The following NSUN6 variants were observed in gnomAD, a reference collection of about 807,000 sequenced individuals.
NSUN6 encodes the protein NOP2/Sun RNA methyltransferase 6.
NSUN6 carries 64 observed loss-of-function variants against 58.0 expected under a neutral mutation model. The ratio of observed to expected loss-of-function variants is 1.10; its 90% CI spans 0.90 to 1.36. The LOEUF (loss-of-function observed/expected upper bound fraction) is 1.36. NSUN6 is among the 40% of genes most tolerant of loss of function. The probability of loss-of-function intolerance (pLI) is 0.00; values close to 1 mark genes in which losing one functional copy is unlikely to be tolerated. For missense variants in NSUN6, 701 were observed against 550.1 expected (o/e 1.27, Z -2.74); for synonymous variants, 231 against 193.9 (o/e 1.19, Z -1.59).
chr10:18,570,999 A>C (rs1200190003), intron 8 of NSUN6, among the ~76,000 whole-genome samples: 2 of 140,458 alleles, frequency 1.4e-5, no homozygotes, highest in African/African-American at 5.4e-5. Context: ...CATTCTATTC[A>C]CCACTGCATT....
chr10:18,596,246 C>T lies in NSUN6; in HGVS notation c.739G>A (p.Gly247Arg), dbSNP rs749548175. The T allele has an allele frequency of 4.3e-6, 7 of 1,611,264 alleles. No homozygotes were observed. The South Asian group carries it at 6.6e-5, about 15-fold the overall frequency. ...KILDLCAAPG[G>R]KTTHIAALMH... ...AGTGCTGCAATGTGTGTTGTTTTCC[C>T]TCCAGGTGCTGCACACAAGTCTAGA... Residue 247 changes from glycine (G) to arginine (R), a missense_variant, in exon 7 of 11, where the codon GGG becomes AGG. Gly to Arg is a moderately radical substitution (Grantham distance 125). Coordinates refer to ENST00000377304, the MANE Select transcript of NSUN6 (RefSeq NM_182543.5).
intron 8 of NSUN6, among the ~76,000 whole-genome samples, chr10:18,555,528 A>G (rs575197014): frequency 1.3e-5 from 2 of 150,306 alleles, no homozygotes; most frequent in African/African-American, 4.9e-5. Flanking sequence ...GGAAGGGAGC[A>G]TGGAATGAAG....
chr10:18,550,023 C>T (rs1175867140), intron 9 of NSUN6, among the ~76,000 whole-genome samples: 1 of 152,186 alleles, frequency 6.6e-6, no homozygotes, highest in Non-Finnish European at 1.5e-5. Flanking sequence ...TGGCTCAAGT[C>T]AACAAGGCTC....
intron 8 of NSUN6, among the ~76,000 whole-genome samples, chr10:18,579,009 C>T (rs1192533299): frequency 6.6e-6 from 1 of 152,168 alleles, no homozygotes; most frequent in Non-Finnish European, 1.5e-5. Context: ...AATTATGAAA[C>T]TCCTACAAAT....
At chr10:18,623,810 T>A (rs1465094663) in intron 3 of NSUN6, among the ~76,000 whole-genome samples, 1 of 152,188 alleles carries the variant, frequency 6.6e-6, no homozygotes, top group Non-Finnish European at 1.5e-5. Flanking sequence ...AAAAAAGGTA[T>A]GAGCTAAAGC....
chr10:18,618,015 T>C (rs76839382), intron 3 of NSUN6, among the ~76,000 whole-genome samples: 4,863 of 152,298 alleles, frequency 0.032, 268 homozygotes, highest in African/African-American at 0.11. Context: ...TATTCTGCTA[T>C]AGCAGCAAAA....
At chr10:18,625,661 C>T (rs1409144798) in intron 3 of NSUN6, among the ~76,000 whole-genome samples, 1 of 139,158 alleles carries the variant, frequency 7.2e-6, no homozygotes, top group African/African-American at 2.7e-5. Flanking sequence ...TGCAGTGAGC[C>T]GAGATCGCGC....
intron 8 of NSUN6, among the ~76,000 whole-genome samples, chr10:18,562,787 T>TGGAGTGGAGAAA (rs2055627160): frequency 4.2e-5 from 6 of 142,988 alleles, no homozygotes; most frequent in East Asian, 4.4e-4. Context: ...GATAATGGAA[T>TGGAGTGGAGAAA]GGAATGGAGT....
At chr10:18,611,032 A>C (rs1226366036) in intron 5 of NSUN6, among the ~76,000 whole-genome samples, 1 of 151,880 alleles carries the variant, frequency 6.6e-6, no homozygotes, top group African/African-American at 2.4e-5. Flanking sequence ...CTCTACATAA[A>C]ATTTAAAAAA....
intron 3 of NSUN6, among the ~76,000 whole-genome samples, chr10:18,618,236 C>A (rs1035715328): frequency 6.6e-6 from 1 of 152,240 alleles, no homozygotes; most frequent in African/African-American, 2.4e-5. Flanking sequence ...CAACTTCACT[C>A]TGAAGTATGT....
intron 8 of NSUN6, among the ~76,000 whole-genome samples, chr10:18,565,636 C>T (rs1046740662): frequency 4.0e-5 from 6 of 151,100 alleles, no homozygotes; most frequent in African/African-American, 1.5e-4. Flanking sequence ...TTTTCCATTC[C>T]ATTCTCCATT....
At chr10:18,603,473 C>CTT (rs1245707205) in intron 6 of NSUN6, among the ~76,000 whole-genome samples, 10 of 147,502 alleles carry the variant, frequency 6.8e-5, no homozygotes, top group Non-Finnish European at 9.0e-5. Flanking sequence ...CTTTTCTTTT[C>CTT]TTTTCTTTTT....
At chr10:18,596,526 A>G (rs1380791073) in intron 6 of NSUN6, among the ~76,000 whole-genome samples, 199 bp from the exon 7 acceptor site, 2 of 152,152 alleles carry the variant, frequency 1.3e-5, no homozygotes, top group African/African-American at 4.8e-5. Context: ...GGACTTACAC[A>G]CAAACCACCT....
At chr10:18,548,973 T>C (rs963651573) in intron 9 of NSUN6, among the ~76,000 whole-genome samples, 1 of 152,222 alleles carries the variant, frequency 6.6e-6, no homozygotes, top group Non-Finnish European at 1.5e-5. Context: ...ACTATCATTG[T>C]GGTCCAAGCC....
At chr10:18,637,171 C>T (rs1364558763) in intron 3 of NSUN6, among the ~76,000 whole-genome samples, 4 of 152,028 alleles carry the variant, frequency 2.6e-5, no homozygotes, top group Non-Finnish European at 4.4e-5. Context: ...CCATGTTGCT[C>T]AGGCTGGTCT....
intron 3 of NSUN6, among the ~76,000 whole-genome samples, chr10:18,627,365 C>G (rs528626481): frequency 1.3e-5 from 2 of 152,276 alleles, no homozygotes; most frequent in Non-Finnish European, 2.9e-5. Flanking sequence ...ACACCCTTTT[C>G]TAAATCCCAT....
At chr10:18,617,471 A>T (rs1338593479) in intron 3 of NSUN6, among the ~76,000 whole-genome samples, 1 of 152,148 alleles carries the variant, frequency 6.6e-6, no homozygotes, top group Non-Finnish European at 1.5e-5. Context: ...TATAGGCATG[A>T]GCCACCACGC....
intron 3 of NSUN6, among the ~76,000 whole-genome samples, chr10:18,620,069 C>T (rs910283363): frequency 1.4e-5 from 2 of 145,842 alleles, no homozygotes; most frequent in Non-Finnish European, 3.0e-5. Context: ...AAATACACAT[C>T]TAATTTTTAC....
chr10:18,610,962 G>A (rs944895617), intron 5 of NSUN6, among the ~76,000 whole-genome samples: 1 of 152,174 alleles, frequency 6.6e-6, no homozygotes, highest in Non-Finnish European at 1.5e-5. Flanking sequence ...CCAGCACTTT[G>A]AGAGACTGGC....
Sources: allele counts gnomAD v4.1 joint callset (sites outside exome capture counted in the v4.1 genomes callset), GRCh38; gene constraint gnomAD v4.1.1; transcripts MANE v1.5; gene names NCBI Gene and HGNC (gene_info 2026-07-23, HGNC 2026-07-21).